The following PHACTR1 variants were observed in gnomAD, a reference collection of about 807,000 sequenced individuals.
PHACTR1 encodes phosphatase and actin regulator 1, also known as RPEL repeat containing 1.
PHACTR1 carries 16 observed loss-of-function variants against 69.2 expected under a neutral mutation model. The ratio of observed to expected loss-of-function variants is 0.23; its 90% CI spans 0.16 to 0.35. PHACTR1 has a LOEUF of 0.35. PHACTR1 is among the 10% of genes least tolerant of loss of function. The probability of loss-of-function intolerance (pLI) is 1.00; values close to 1 mark genes in which losing one functional copy is unlikely to be tolerated. For synonymous variants in PHACTR1, 312 were observed against 284.5 expected (o/e 1.10, Z -0.97); for missense variants, 510 against 734.7 (o/e 0.69, Z 3.54).
chr6:12,966,740 T>G (rs1381653325), intron 4 of PHACTR1, among the ~76,000 whole-genome samples: 6 of 152,314 alleles, frequency 3.9e-5, no homozygotes, highest in Non-Finnish European at 8.8e-5. Context: ...ATTGGACATT[T>G]TATTTGTGTT....
intron 8 of PHACTR1, among the ~76,000 whole-genome samples, chr6:13,212,875 G>T (rs138714107): frequency 6.6e-6 from 1 of 152,044 alleles, no homozygotes; most frequent in Non-Finnish European, 1.5e-5. Context: ...GGCCCTTCCC[G>T]TTCAATATTG....
chr6:13,124,791 G>A (rs996641166), intron 5 of PHACTR1, among the ~76,000 whole-genome samples: 10 of 152,198 alleles, frequency 6.6e-5, no homozygotes, highest in African/African-American at 1.4e-4. Context: ...GTGTGCTCAC[G>A]TGATGGAGAA....
chr6:13,117,390 A>G (rs901053446), intron 5 of PHACTR1, among the ~76,000 whole-genome samples: 2 of 152,128 alleles, frequency 1.3e-5, no homozygotes, highest in African/African-American at 4.8e-5. Flanking sequence ...TAGTGATGTC[A>G]TATGGATTTG....
chr6:12,749,290 G>A, intron 3 of PHACTR1: 3 of 391,182 alleles, frequency 7.7e-6, no homozygotes, highest in South Asian at 6.2e-5. Context: ...TGGAAACTGG[G>A]GCTGCAGGCG....
At chr6:13,042,668 G>A (rs1804368788) in intron 4 of PHACTR1, among the ~76,000 whole-genome samples, 3 of 152,152 alleles carry the variant, frequency 2.0e-5, no homozygotes, top group Admixed American at 6.5e-5. Context: ...AGTCCTTAAG[G>A]GATATTCTAG....
intron 4 of PHACTR1, among the ~76,000 whole-genome samples, chr6:13,051,861 A>G (rs781011468): frequency 6.6e-6 from 1 of 152,130 alleles, no homozygotes; most frequent in Non-Finnish European, 1.5e-5. Context: ...TGATCATAGT[A>G]TCTGGCAGAG....
At chr6:12,888,513 T>A (rs926712964) in intron 4 of PHACTR1, among the ~76,000 whole-genome samples, 9 of 152,224 alleles carry the variant, frequency 5.9e-5, no homozygotes, top group African/African-American at 1.9e-4. Flanking sequence ...ATGTTAGCAT[T>A]TATAATTAAT....
chr6:12,924,271 C>T (rs1228971381), intron 4 of PHACTR1, among the ~76,000 whole-genome samples: 1 of 152,136 alleles, frequency 6.6e-6, no homozygotes. Context: ...TGTGTCCATA[C>T]ATATGCCAAC....
chr6:13,154,260 G>A (rs1757857975), intron 5 of PHACTR1, among the ~76,000 whole-genome samples: 1 of 152,102 alleles, frequency 6.6e-6, no homozygotes, highest in South Asian at 2.1e-4. Context: ...CACCTCCTGG[G>A]TTCAAGTAAT....
At chr6:12,973,916 AT>A (rs33948457) in intron 4 of PHACTR1, among the ~76,000 whole-genome samples, 19,195 of 92,270 alleles carry the variant, frequency 0.21, 576 homozygotes, top group Admixed American at 0.26. Context: ...AGAGGCTGGG[AT>A]TTTTTTTTTT....
chr6:13,003,059 A>G (rs1358155304), intron 4 of PHACTR1, among the ~76,000 whole-genome samples: 1 of 152,212 alleles, frequency 6.6e-6, no homozygotes, highest in Non-Finnish European at 1.5e-5. Flanking sequence ...TCTTCATGAA[A>G]TCAGAGGATT....
intron 4 of PHACTR1, among the ~76,000 whole-genome samples, chr6:13,031,398 A>G (rs1235973232): frequency 6.6e-6 from 1 of 152,258 alleles, no homozygotes; most frequent in African/African-American, 2.4e-5. Flanking sequence ...TTAGACAAAT[A>G]GTTGATGTAC....
At chr6:12,891,711 A>T (rs997869764) in intron 4 of PHACTR1, among the ~76,000 whole-genome samples, 1 of 152,176 alleles carries the variant, frequency 6.6e-6, no homozygotes, top group Non-Finnish European at 1.5e-5. Context: ...ATGAACATGT[A>T]ACCTATCCTT....
intron 10 of PHACTR1, among the ~76,000 whole-genome samples, chr6:13,258,997 G>C (rs1775561849): frequency 6.6e-6 from 1 of 152,204 alleles, no homozygotes. Context: ...GGTTGGAGGA[G>C]TTAAGCTAAA....
At chr6:13,049,249 C>CTT (rs35897489) in intron 4 of PHACTR1, among the ~76,000 whole-genome samples, 3 of 148,560 alleles carry the variant, frequency 2.0e-5, no homozygotes, top group African/African-American at 7.3e-5. Flanking sequence ...TCTCATGGCA[C>CTT]TTTTTTTTTT....
chr6:13,019,880 CTTGACTGGGCT>C (rs1800719895), intron 4 of PHACTR1, among the ~76,000 whole-genome samples: 1 of 152,140 alleles, frequency 6.6e-6, no homozygotes, highest in Non-Finnish European at 1.5e-5. Flanking sequence ...ACTTTTTGGA[CTTGACTGGGCT>C]TTGGGGCCTT....
intron 4 of PHACTR1, among the ~76,000 whole-genome samples, chr6:12,985,542 ATATAT>A (rs1012462086): frequency 5.8e-5 from 6 of 104,332 alleles, no homozygotes; most frequent in African/African-American, 2.6e-4. Context: ...AAAAAAAAAA[ATATAT>A]ATATATATAT....
intron 4 of PHACTR1, among the ~76,000 whole-genome samples, chr6:12,960,701 G>C (rs903104318): frequency 1.3e-5 from 2 of 152,138 alleles, no homozygotes; most frequent in African/African-American, 4.8e-5. Flanking sequence ...CATGCTATAA[G>C]TTGTGATTCT....
At chr6:13,208,959 A>C (rs977932369) in intron 8 of PHACTR1, among the ~76,000 whole-genome samples, 1 of 152,064 alleles carries the variant, frequency 6.6e-6, no homozygotes, top group African/African-American at 2.4e-5. Flanking sequence ...ACTCAGAGTC[A>C]TTTCCTCCTT....
Sources: gnomAD v4.1 joint callset for allele counts (sites outside exome capture counted in the v4.1 genomes callset) on GRCh38, gnomAD v4.1.1 for gene constraint, MANE v1.5 for transcripts, NCBI Gene and HGNC (gene_info 2026-07-23, HGNC 2026-07-21) for gene names.